The following B3GAT2 variants were observed in gnomAD, a reference collection of about 807,000 sequenced individuals.
The protein encoded by B3GAT2 is galactosylgalactosylxylosylprotein 3-beta-glucuronosyltransferase 2.
A neutral mutation model predicts 27.8 loss-of-function variants in B3GAT2; 26 were observed. That is an observed-to-expected ratio of 0.93 (90% CI 0.68 to 1.30). B3GAT2 has a LOEUF of 1.30. Ranked by LOEUF, B3GAT2 falls within the 50% of genes most tolerant of loss-of-function variation. B3GAT2 has a pLI of 0.00. For synonymous variants in B3GAT2, 218 were observed against 195.1 expected, an observed-to-expected ratio of 1.12 and a Z score of -0.98; for missense variants, 458 against 459.0, an observed-to-expected ratio of 1.00 and a Z score of 0.02.
chr6:70,884,520 C>T (rs368601654), intron 2 of B3GAT2, among the ~76,000 whole-genome samples: 1 of 152,118 alleles, frequency 6.6e-6, no homozygotes, highest in African/African-American at 2.4e-5. Flanking sequence ...GCTAGCAAGG[C>T]GGCCAGGGGC....
At chr6:70,921,806 G>T (rs1473562588) in intron 1 of B3GAT2, among the ~76,000 whole-genome samples, 1 of 152,158 alleles carries the variant, frequency 6.6e-6, no homozygotes, top group Non-Finnish European at 1.5e-5. Context: ...GGGTTTGATT[G>T]TGGTATAATG....
At chr6:70,874,592 G>A (rs1771983907) in intron 2 of B3GAT2, among the ~76,000 whole-genome samples, 1 of 152,168 alleles carries the variant, frequency 6.6e-6, no homozygotes, top group African/African-American at 2.4e-5. Flanking sequence ...ATATGTCAGA[G>A]CTTTTCAAAT....
intron 1 of B3GAT2, among the ~76,000 whole-genome samples, chr6:70,942,424 A>G (rs1271426139): frequency 6.6e-6 from 1 of 152,092 alleles, no homozygotes; most frequent in Non-Finnish European, 1.5e-5. Context: ...CAGGTCCACA[A>G]ATATGGTTTT....
At chr6:70,881,148 T>G (rs1772093245) in intron 2 of B3GAT2, among the ~76,000 whole-genome samples, 1 of 152,182 alleles carries the variant, frequency 6.6e-6, no homozygotes, top group East Asian at 1.9e-4. Context: ...TCCTCTGCAT[T>G]GCAACCCTAA....
At chr6:70,895,284 A>G (rs1478943147) in intron 1 of B3GAT2, among the ~76,000 whole-genome samples, 1 of 152,158 alleles carries the variant, frequency 6.6e-6, no homozygotes, top group Non-Finnish European at 1.5e-5. Flanking sequence ...TATAGAACTG[A>G]ACTGGGTCAT....
chr6:70,936,705 C>T (rs1329642674), intron 1 of B3GAT2, among the ~76,000 whole-genome samples: 12 of 151,970 alleles, frequency 7.9e-5, no homozygotes, highest in African/African-American at 2.4e-4. Flanking sequence ...TTGAAACCAA[C>T]GAGAACAAAG....
At chr6:70,954,772 T>G (rs1023302389) in intron 1 of B3GAT2, among the ~76,000 whole-genome samples, 1 of 152,194 alleles carries the variant, frequency 6.6e-6, no homozygotes, top group Admixed American at 6.5e-5. Context: ...AAGAAGATTT[T>G]CTTTGGCTGT....
intron 1 of B3GAT2, among the ~76,000 whole-genome samples, chr6:70,910,751 CCT>C (rs1425840185): frequency 6.6e-6 from 1 of 152,090 alleles, no homozygotes; most frequent in African/African-American, 2.4e-5. Flanking sequence ...AAATTGCCAC[CCT>C]GTTTTCCACA....
At chr6:70,904,075 T>C (rs1244515876) in intron 1 of B3GAT2, among the ~76,000 whole-genome samples, 1 of 152,196 alleles carries the variant, frequency 6.6e-6, no homozygotes, top group Non-Finnish European at 1.5e-5. Flanking sequence ...TAATGAATAA[T>C]TGGTATGCAT....
chr6:70,950,311 C>G (rs1329078032), intron 1 of B3GAT2, among the ~76,000 whole-genome samples: 4 of 149,208 alleles, frequency 2.7e-5, no homozygotes, highest in Non-Finnish European at 5.9e-5. Context: ...TTTTATTTTT[C>G]AATGTAATAC....
intron 2 of B3GAT2, among the ~76,000 whole-genome samples, chr6:70,879,819 C>T (rs756781781): frequency 7.9e-5 from 12 of 151,914 alleles, no homozygotes; most frequent in East Asian, 7.8e-4. Context: ...CACGTGATGG[C>T]GGGATTGTGA....
chr6:70,907,833 G>A (rs2150037397), intron 1 of B3GAT2, among the ~76,000 whole-genome samples: 2 of 152,322 alleles, frequency 1.3e-5, no homozygotes, highest in Admixed American at 1.3e-4. Context: ...AGCTTTTACT[G>A]TATCAAGCCT....
intron 2 of B3GAT2, 48 bp from the exon 3 acceptor site, chr6:70,862,026 C>A: frequency 1.3e-6 from 2 of 1,513,240 alleles, no homozygotes; most frequent in South Asian, 1.3e-5. Flanking sequence ...TCCTGGTGTA[C>A]TTCTCTTTTT....
intron 2 of B3GAT2, among the ~76,000 whole-genome samples, chr6:70,870,501 C>G (rs931837986): frequency 1.5e-4 from 23 of 151,130 alleles, no homozygotes; most frequent in African/African-American, 5.3e-4. Context: ...TGTAACAAAC[C>G]TGCACGTTGT....
intron 1 of B3GAT2, among the ~76,000 whole-genome samples, chr6:70,904,580 C>A (rs932682375): frequency 1.3e-5 from 2 of 152,144 alleles, no homozygotes; most frequent in Non-Finnish European, 2.9e-5. Context: ...CCTAAGATAT[C>A]TTGGGCCAAA....
chr6:70,906,226 A>T (rs1772600247), intron 1 of B3GAT2, among the ~76,000 whole-genome samples: 1 of 152,230 alleles, frequency 6.6e-6, no homozygotes, highest in Admixed American at 6.5e-5. Flanking sequence ...AGACATTCTT[A>T]AAAGATGTTA....
chr6:70,946,758 C>T (rs1375968032), intron 1 of B3GAT2, among the ~76,000 whole-genome samples: 8 of 151,926 alleles, frequency 5.3e-5, no homozygotes, highest in South Asian at 2.1e-4. Context: ...AACTCTCCAC[C>T]CCAAATCAAC....
chr6:70,907,379 C>T (rs1269294681), intron 1 of B3GAT2, among the ~76,000 whole-genome samples: 1 of 152,172 alleles, frequency 6.6e-6, no homozygotes, highest in African/African-American at 2.4e-5. Flanking sequence ...AGAGAACCAG[C>T]CTGAAGACAA....
At chr6:70,881,285 T>G (rs890989768) in intron 2 of B3GAT2, among the ~76,000 whole-genome samples, 1 of 152,196 alleles carries the variant, frequency 6.6e-6, no homozygotes, top group African/African-American at 2.4e-5. Context: ...TGCTGGCTCT[T>G]GTTTTATGAT....
Sources: gnomAD v4.1 joint callset for allele counts (sites outside exome capture counted in the v4.1 genomes callset) on GRCh38, gnomAD v4.1.1 for gene constraint, MANE v1.5 for transcripts, NCBI Gene and HGNC (gene_info 2026-07-23, HGNC 2026-07-21) for gene names.